The following RAD51B variants were observed in gnomAD, a reference collection of about 807,000 sequenced individuals.
RAD51B encodes RAD51 paralog B.
In RAD51B, 38 loss-of-function variants were observed where a neutral mutation model predicts 42.2. That is an observed-to-expected ratio of 0.90 (90% confidence interval 0.70 to 1.18). The LOEUF (loss-of-function observed/expected upper bound fraction) is 1.18, where lower values mean the gene tolerates loss of function less well. Ranked by LOEUF, RAD51B falls within the 50% of genes most tolerant of loss-of-function variation. The probability of loss-of-function intolerance (pLI) is 0.00; values close to 1 mark genes in which losing one functional copy is unlikely to be tolerated. For missense variants in RAD51B, 373 were observed against 400.7 expected, an observed-to-expected ratio of 0.93 and a Z score of 0.59; for synonymous variants, 154 against 145.2, an observed-to-expected ratio of 1.06 and a Z score of -0.43.
At chr14:68,468,141 C>G in intron 9 of RAD51B, 31 bp from the exon 10 acceptor site, 3 of 1,594,672 alleles carry the variant, frequency 1.9e-6, no homozygotes, top group Non-Finnish European at 2.6e-6. Flanking sequence ...GATCCTTTGA[C>G]TAACCCTAGA....
At chr14:68,602,937 G>A (rs907456812) in intron 10 of RAD51B, among the ~76,000 whole-genome samples, 3 of 152,128 alleles carry the variant, frequency 2.0e-5, no homozygotes, top group Non-Finnish European at 2.9e-5. Context: ...ACACCCATAT[G>A]CCTGACATGC....
chr14:68,174,094 C>G (rs2078920744), intron 7 of RAD51B, among the ~76,000 whole-genome samples: 1 of 152,128 alleles, frequency 6.6e-6, no homozygotes, highest in South Asian at 2.1e-4. Context: ...CTTAATGACT[C>G]TTATACATTT....
intron 8 of RAD51B, among the ~76,000 whole-genome samples, chr14:68,324,007 G>C (rs543563877): frequency 6.6e-6 from 1 of 152,280 alleles, no homozygotes; most frequent in South Asian, 2.1e-4. Flanking sequence ...AGAACAGTAG[G>C]AAAGAAGCTG....
chr14:67,866,942 A>T (rs930181303), intron 5 of RAD51B, among the ~76,000 whole-genome samples: 5 of 152,220 alleles, frequency 3.3e-5, no homozygotes, highest in African/African-American at 9.6e-5. Flanking sequence ...AGGAGCTCTT[A>T]TGAAGGTCAT....
intron 4 of RAD51B, among the ~76,000 whole-genome samples, chr14:67,855,673 G>A (rs1394751071): frequency 6.6e-6 from 1 of 152,222 alleles, no homozygotes; most frequent in African/African-American, 2.4e-5. Context: ...ACAGTTAAGT[G>A]TAAGACATAG....
intron 7 of RAD51B, among the ~76,000 whole-genome samples, chr14:67,994,720 CT>C (rs1190320892): frequency 6.6e-6 from 1 of 152,166 alleles, no homozygotes; most frequent in East Asian, 1.9e-4. Context: ...ATGTTAGCTC[CT>C]TTTCATCAAT....
At chr14:68,361,895 C>T (rs1362247999) in intron 8 of RAD51B, among the ~76,000 whole-genome samples, 1 of 152,138 alleles carries the variant, frequency 6.6e-6, no homozygotes. Flanking sequence ...AGGCTGGTCT[C>T]AAACTCCTGA....
chr14:68,281,854 G>A (rs990360513), intron 7 of RAD51B, among the ~76,000 whole-genome samples: 2 of 151,984 alleles, frequency 1.3e-5, no homozygotes, highest in Non-Finnish European at 2.9e-5. Flanking sequence ...AAAGCCTCAC[G>A]TTTCCCATTT....
At chr14:68,021,268 G>T (rs1022126531) in intron 7 of RAD51B, among the ~76,000 whole-genome samples, 11 of 152,130 alleles carry the variant, frequency 7.2e-5, no homozygotes, top group African/African-American at 2.4e-4. Flanking sequence ...GGAGAACATT[G>T]CCTCCTGAGA....
chr14:67,934,819 A>G (rs866484091), intron 7 of RAD51B, among the ~76,000 whole-genome samples: 46 of 152,286 alleles, frequency 3.0e-4, no homozygotes, highest in African/African-American at 1.0e-3. Flanking sequence ...ATGGGGGGGA[A>G]TGTCCATACG....
At chr14:68,284,291 T>C (rs2081375014) in intron 7 of RAD51B, among the ~76,000 whole-genome samples, 1 of 152,250 alleles carries the variant, frequency 6.6e-6, no homozygotes, top group South Asian at 2.1e-4. Context: ...TAGGATGGAT[T>C]TCTTAAGGTT....
At chr14:67,913,673 ATAG>A (rs1334122727) in intron 7 of RAD51B, among the ~76,000 whole-genome samples, 3 of 152,152 alleles carry the variant, frequency 2.0e-5, no homozygotes, top group East Asian at 3.8e-4. Flanking sequence ...TTGTGGGTAC[ATAG>A]TAGGTATGTA....
intron 7 of RAD51B, among the ~76,000 whole-genome samples, chr14:68,198,734 A>G (rs540318971): frequency 2.6e-5 from 4 of 152,184 alleles, no homozygotes; most frequent in African/African-American, 4.8e-5. Flanking sequence ...TATTATTTCT[A>G]TATTATTATG....
chr14:68,670,846 C>A (rs1893141450), intron 11 of RAD51B, among the ~76,000 whole-genome samples: 1 of 152,202 alleles, frequency 6.6e-6, no homozygotes, highest in African/African-American at 2.4e-5. Flanking sequence ...CTTATCACTG[C>A]CAGCTCTCCA....
At chr14:67,862,831 TAATA>T (rs1412834783) in intron 4 of RAD51B, among the ~76,000 whole-genome samples, 1 of 152,124 alleles carries the variant, frequency 6.6e-6, no homozygotes, top group Non-Finnish European at 1.5e-5. Context: ...TTTATATAAG[TAATA>T]AATATTATAA....
intron 7 of RAD51B, among the ~76,000 whole-genome samples, chr14:68,101,011 A>C (rs2077279044): frequency 6.6e-6 from 1 of 152,186 alleles, no homozygotes; most frequent in Non-Finnish European, 1.5e-5. Flanking sequence ...AGGGGAAGCA[A>C]ATATGTCCTT....
exon 11 of RAD51B, chr14:68,595,993 G>A: frequency 1.3e-6 from 1 of 792,306 alleles, no homozygotes; most frequent in Non-Finnish European, 1.6e-6. Flanking sequence ...TAACATGCAT[G>A]TTCCCAAAAT....
intron 4 of RAD51B, among the ~76,000 whole-genome samples, chr14:67,840,872 G>C (rs1287515182): frequency 6.6e-6 from 1 of 151,790 alleles, no homozygotes; most frequent in African/African-American, 2.4e-5. Context: ...GGCACTTTTG[G>C]CTCACTGCAA....
intron 10 of RAD51B, among the ~76,000 whole-genome samples, chr14:68,624,500 G>C (rs1425361982): frequency 6.6e-6 from 1 of 152,186 alleles, no homozygotes; most frequent in Non-Finnish European, 1.5e-5. Flanking sequence ...GGATGGAACT[G>C]AAATGCTTCC....
Sources: gnomAD v4.1 joint callset for allele counts (sites outside exome capture counted in the v4.1 genomes callset) on GRCh38, gnomAD v4.1.1 for gene constraint, MANE v1.5 for transcripts, NCBI Gene and HGNC (gene_info 2026-07-23, HGNC 2026-07-21) for gene names.